Variants in DSCAM observed in about 807,000 individuals in gnomAD.
The protein encoded by DSCAM is DS cell adhesion molecule.
Under a neutral mutation model 217.7 loss-of-function variants are expected in DSCAM, and 47 were observed. The ratio of observed to expected loss-of-function variants is 0.22; its 90% CI spans 0.17 to 0.28. The LOEUF is 0.28. Among genes scored for constraint, DSCAM ranks in the 10% least tolerant of loss-of-function variants. DSCAM has a pLI of 1.00. For synonymous variants in DSCAM, 1,056 were observed against 1,015.3 expected (o/e 1.04, Z -0.76); for missense variants, 2,080 against 2,618.3 (o/e 0.79, Z 4.49).
chr21:40,018,569 G>A (rs1171253562), intron 32 of DSCAM, among the ~76,000 whole-genome samples: 1 of 152,202 alleles, frequency 6.6e-6, no homozygotes, highest in Non-Finnish European at 1.5e-5. Context: ...CCCATTGAAT[G>A]CACAGGGCTT....
rs540147666 is a variant in DSCAM at position 40,584,016 on chromosome 21, T to C, written c.508+108794A>G. Among the ~76,000 whole-genome samples, 13 of 151,758 alleles carry C rather than the reference T, an allele frequency of 8.6e-5. No homozygotes were observed. In the East Asian group the frequency reaches 9.7e-4, roughly 11 times the overall value. On this transcript the variant is annotated intron_variant, in intron 3 of 32. Coordinates refer to ENST00000400454, the MANE Select transcript of DSCAM (RefSeq NM_001389.5). ...CTCTGCATTAAGGAATGAGGCAAAA[T>C]TGCCAGTGTGCTTGGAACTATGCCC...
intron 29 of DSCAM, among the ~76,000 whole-genome samples, chr21:40,054,980 T>C (rs77252053): frequency 0.021 from 3,214 of 152,324 alleles, 115 homozygotes; most frequent in African/African-American, 0.074. Context: ...ACATGTTAGC[T>C]ATTCTTCTCA....
chr21:40,385,588 T>C (rs1433378867), intron 3 of DSCAM, among the ~76,000 whole-genome samples: 3 of 152,162 alleles, frequency 2.0e-5, no homozygotes, highest in African/African-American at 7.2e-5. Context: ...ACAGAATTTG[T>C]GTTTTTGGTT....
chr21:40,289,508 G>T (rs2123426154), intron 10 of DSCAM, among the ~76,000 whole-genome samples: 1 of 152,230 alleles, frequency 6.6e-6, no homozygotes, highest in Admixed American at 6.5e-5. Context: ...ACTTTCCATG[G>T]TTTAAGCTAC....
intron 3 of DSCAM, among the ~76,000 whole-genome samples, chr21:40,567,642 A>C (rs455489): frequency 0.14 from 21,755 of 152,152 alleles, 1,627 homozygotes; most frequent in Middle Eastern, 0.16. Context: ...CACTCTGAAC[A>C]TATTCTACAA....
intron 15 of DSCAM, among the ~76,000 whole-genome samples, chr21:40,173,699 A>C (rs970834154): frequency 6.6e-6 from 1 of 151,548 alleles, no homozygotes; most frequent in African/African-American, 2.4e-5. Flanking sequence ...TCTCCCCTCC[A>C]CCCCAGCTCA....
intron 5 of DSCAM, among the ~76,000 whole-genome samples, chr21:40,349,790 A>G (rs9983191): frequency 0.73 from 110,990 of 152,050 alleles, 40,921 homozygotes; most frequent in African/African-American, 0.82. Flanking sequence ...TGCTGAGCAG[A>G]GAAAATCTGA....
chr21:40,039,943 G>A (rs920884608), intron 32 of DSCAM, among the ~76,000 whole-genome samples: 3 of 152,218 alleles, frequency 2.0e-5, no homozygotes, highest in Middle Eastern at 3.2e-3. Flanking sequence ...ATCATCTAGC[G>A]TGAAGAGGGC....
intron 27 of DSCAM, 65 bp downstream of exon 27, chr21:40,074,972 A>G (rs1466867415): frequency 7.1e-6 from 11 of 1,548,338 alleles, no homozygotes; most frequent in African/African-American, 6.8e-5. Flanking sequence ...TCCAGCTGGC[A>G]TCTCTCCCAT....
intron 3 of DSCAM, among the ~76,000 whole-genome samples, chr21:40,425,641 T>C (rs952747878): frequency 3.9e-5 from 5 of 128,484 alleles, no homozygotes; most frequent in African/African-American, 1.5e-4. Context: ...AACTCCAGCC[T>C]GAGCAACAAA....
intron 3 of DSCAM, among the ~76,000 whole-genome samples, chr21:40,510,501 C>G (rs764891113): frequency 6.6e-6 from 1 of 152,036 alleles, no homozygotes; most frequent in African/African-American, 2.4e-5. Context: ...TCAAACGTGA[C>G]GATTGACAAA....
chr21:40,431,574 C>G (rs1433537060), intron 3 of DSCAM, among the ~76,000 whole-genome samples: 1 of 152,170 alleles, frequency 6.6e-6, no homozygotes, highest in Non-Finnish European at 1.5e-5. Context: ...CCACTTCCAC[C>G]TAATGAATAG....
intron 3 of DSCAM, among the ~76,000 whole-genome samples, chr21:40,655,436 ATCTG>A (rs569891979): frequency 2.2e-4 from 30 of 135,526 alleles, no homozygotes; most frequent in South Asian, 1.9e-3. Context: ...GCTCCCTTCA[ATCTG>A]TCTCTCTTTT....
chr21:40,838,183 C>A (rs767605530), intron 1 of DSCAM, among the ~76,000 whole-genome samples: 1 of 152,178 alleles, frequency 6.6e-6, no homozygotes, highest in Non-Finnish European at 1.5e-5. Flanking sequence ...TTCTACTTGT[C>A]TTTCTCTTAT....
At chr21:40,062,953 T>G (rs746833069) in intron 27 of DSCAM, 54 bp from the exon 28 acceptor site, 15 of 1,504,408 alleles carry the variant, frequency 1.0e-5, no homozygotes, top group Non-Finnish European at 1.2e-5. Context: ...TAACATTCAC[T>G]TAGGCATTTA....
intron 31 of DSCAM, among the ~76,000 whole-genome samples, chr21:40,043,267 G>A (rs2088786487): frequency 6.6e-6 from 1 of 152,190 alleles, no homozygotes; most frequent in Non-Finnish European, 1.5e-5. Flanking sequence ...TTTGAGCTGG[G>A]CCACGCCATC....
At chr21:40,465,800 T>C (rs1366340746) in intron 3 of DSCAM, among the ~76,000 whole-genome samples, 1 of 152,144 alleles carries the variant, frequency 6.6e-6, no homozygotes, top group African/African-American at 2.4e-5. Context: ...CAAATGCCAT[T>C]ACAGCTTACT....
intron 3 of DSCAM, among the ~76,000 whole-genome samples, chr21:40,645,753 G>T (rs1165239343): frequency 6.6e-6 from 1 of 151,998 alleles, no homozygotes; most frequent in Non-Finnish European, 1.5e-5. Context: ...AAATCAAGTG[G>T]TTATTATACA....
intron 3 of DSCAM, among the ~76,000 whole-genome samples, chr21:40,431,848 T>G (rs2075535696): frequency 1.3e-5 from 2 of 152,174 alleles, no homozygotes; most frequent in South Asian, 4.1e-4. Context: ...TTGTGGCTAT[T>G]GTAATGGATT....
Sources: gnomAD v4.1 joint callset for allele counts (sites outside exome capture counted in the v4.1 genomes callset) on GRCh38, gnomAD v4.1.1 for gene constraint, MANE v1.5 for transcripts, NCBI Gene and HGNC (gene_info 2026-07-23, HGNC 2026-07-21) for gene names.